C1orf232: variants seen among roughly 807,000 people sequenced by gnomAD.
C1orf232 encodes the protein chromosome 1 open reading frame 230, also known as uncharacterized protein C1orf232.
In C1orf232, 10 loss-of-function variants were observed where a neutral mutation model predicts 12.1. That is an observed-to-expected ratio of 0.82 (90% confidence interval 0.51 to 1.40). The LOEUF is 1.40. Among genes scored for constraint, C1orf232 ranks in the 40% most tolerant of loss-of-function variants. The pLI is 0.00. For synonymous variants in C1orf232, 36 were observed against 39.8 expected, an observed-to-expected ratio of 0.90 and a Z score of 0.36; for missense variants, 88 against 98.4, an observed-to-expected ratio of 0.89 and a Z score of 0.45.
chr1:26,165,122 A>G (rs548879860), intron 3 of C1orf232, among the ~76,000 whole-genome samples: 31 of 148,042 alleles, frequency 2.1e-4, no homozygotes, highest in African/African-American at 7.5e-4. Flanking sequence ...GGGGTGGGGG[A>G]AAAGAATGGA....
rs1436357179 is a variant in C1orf232, at chr1:26,164,386, G to A, written c.336C>T (p.Asp112=). 5.1e-6 allele frequency: 2 copies of A among 390,728 alleles called. No individual in the cohort carries two copies. Among genetic ancestry groups the A allele is most frequent in the African/African-American group, 2.1e-5 (1 of 48,214 alleles). The allele number at this position is 390,728 out of a possible 1,614,324, so 24.2% of individuals were successfully genotyped here. ...GCTGCTGCCACCTGCTGGCGAACGC[G>A]TCCCAGAAGCCCGGGCCGCGCGCCT... is the stretch of plus-strand genomic sequence containing the variant. ...AAEARGPGFW[D]AFASRWQQQQ... is the part of the protein sequence containing the mutation. The change falls in exon 4 of 4, where the codon GAC becomes GAT. Residue 112 remains aspartate (D), a synonymous_variant. Transcript: ENST00000634842. The surrounding 1 kb of genome is among the most constrained non-coding windows in gnomAD (Gnocchi z 4.2).
At chr1:26,166,155 C>T (rs1267793394) in intron 1 of C1orf232, 37 bp from the exon 2 acceptor site, 15 of 1,225,574 alleles carry the variant, frequency 1.2e-5, no homozygotes, top group Admixed American at 4.2e-5. Context: ...TGAGAGAGGC[C>T]GCAGAGGAGT....
At chr1:26,167,225 G>C (rs2088436306) in intron 1 of C1orf232, among the ~76,000 whole-genome samples, 1 of 152,312 alleles carries the variant, frequency 6.6e-6, no homozygotes, top group East Asian at 1.9e-4. Flanking sequence ...TGCTGTTGTT[G>C]TTTTGAGACA....
At chr1:26,166,757 T>C (rs1038809720) in intron 1 of C1orf232, among the ~76,000 whole-genome samples, 3 of 152,184 alleles carry the variant, frequency 2.0e-5, no homozygotes, top group African/African-American at 7.2e-5. Flanking sequence ...GCTCTTCACC[T>C]GTACATAGAC....
At chr1:26,165,650 A>C (rs2088417463) in intron 3 of C1orf232, 176 bp downstream of exon 3, 1 of 1,118,506 alleles carries the variant, frequency 8.9e-7, no homozygotes, top group Non-Finnish European at 1.1e-6. Flanking sequence ...GATTTACCCT[A>C]ATCTCCCAGA....
chr1:26,164,366 T>A lies in C1orf232; in HGVS notation c.356A>T (p.Gln119Leu), dbSNP rs1192879290. ...GFWDAFASRW[Q>L]QQQAAAASML... ...GGACGCCGCCGCGGCCTGCTGCTGCTGCCACCTGCTGGCGAACGCGTCCCA... is the reference window on the plus strand; with the variant it reads ...GGACGCCGCCGCGGCCTGCTGCTGCAGCCACCTGCTGGCGAACGCGTCCCA... The change falls in exon 4 of 4, where the codon CAG (glutamine) becomes CTG (leucine). Residue 119 changes from glutamine (Q) to leucine (L), a missense_variant. Transcript: ENST00000634842. The surrounding 1 kb of genome is among the most constrained non-coding windows in gnomAD (Gnocchi z 4.2). 5.1e-6 allele frequency: 2 copies of A among 393,270 alleles called. No individual in the cohort carries two copies. The highest frequency in any genetic ancestry group is 9.0e-6 in the Non-Finnish European group (2 of 222,758). The allele number at this position is 393,270 out of a possible 1,614,324, so 24.4% of individuals were successfully genotyped here.
At position 26,168,673 on chromosome 1, in the gene C1orf232, T is replaced by C; in HGVS notation, c.-174A>G. ...TGGCACAGTGCCCAGGAGGTGAACC[T>C]GATCCAAAGGAGTCGGGGAGTGGGG... On this transcript the variant is annotated 5_prime_UTR_variant, in exon 1 of 4. Coordinates refer to ENST00000634842, the MANE Select transcript of C1orf232 (RefSeq NM_001364669.2). The C allele has an allele frequency of 2.5e-6, 1 of 407,534 alleles. No individual in the cohort carries two copies. Among genetic ancestry groups the C allele is most frequent in the Non-Finnish European group, 4.2e-6 (1 of 235,922 alleles). The allele number at this position is 407,534 out of a possible 1,614,324, so 25.2% of individuals were successfully genotyped here. A position where few individuals can be genotyped will look rare whatever the true frequency, so the allele number is the denominator to read the frequency against.
chr1:26,166,054 A>G lies in C1orf232; in HGVS notation c.149T>C (p.Met50Thr). ...ACTCACCCGGCGGGCCAGCTGTGAC[A>G]TGGGATTGAAGGTCTCCTCGGTCGG... ...AEPTEETFNPMSQLARRVQGV... is the reference protein window; with the variant it reads ...AEPTEETFNPTSQLARRVQGV... Residue 50 changes from methionine (M) to threonine (T), a missense_variant, in exon 2 of 4, where the codon ATG becomes ACG. Coordinates refer to ENST00000634842, the MANE Select transcript of C1orf232 (RefSeq NM_001364669.2). The G allele has an allele frequency of 8.1e-7, 1 of 1,231,724 alleles. No homozygotes were observed. Among genetic ancestry groups the G allele is most frequent in the Non-Finnish European group, 1.0e-6 (1 of 988,026 alleles). 76.3% of individuals were successfully genotyped at this position (1,231,724 alleles called of 1,614,324 possible).
Position 26,168,667 on chromosome 1 carries a change from TG to T in C1orf232, c.-169del, listed in dbSNP as rs2088451326. 2.4e-6 allele frequency: 1 copy of T among 413,306 alleles called. No homozygotes were observed. Among genetic ancestry groups the T allele is most frequent in the Admixed American group, 4.4e-5 (1 of 22,630 alleles). The allele number at this position is 413,306 out of a possible 1,614,324, so 25.6% of individuals were successfully genotyped here. On this transcript the variant is annotated 5_prime_UTR_variant, in exon 1 of 4. An upstream open reading frame in the 5' UTR gains an earlier in-frame stop. Coordinates refer to ENST00000634842, the MANE Select transcript of C1orf232 (RefSeq NM_001364669.2). ...CCCAGCTGGCACAGTGCCCAGGAGGTGAACCTGATCCAAAGGAGTCGGGGAG... is the reference window on the plus strand; with the variant it reads ...CCCAGCTGGCACAGTGCCCAGGAGGTAACCTGATCCAAAGGAGTCGGGGAG...
intron 1 of C1orf232, among the ~76,000 whole-genome samples, chr1:26,168,212 A>C (rs1569858375): frequency 6.6e-6 from 1 of 152,046 alleles, no homozygotes; most frequent in African/African-American, 2.4e-5. Context: ...CACTCCTCCC[A>C]TGGTCCCTAA....
chr1:26,164,140 G>C lies in C1orf232; in HGVS notation c.*21C>G. Reference sequence around the variant, plus strand: ...TTTTTATCAGGGGTGGGAGCAGCGGGCGCGGGGTTCTGCCAGCCTGCTAGT... The same window carrying C: ...TTTTTATCAGGGGTGGGAGCAGCGGCCGCGGGGTTCTGCCAGCCTGCTAGT... On this transcript the variant is annotated 3_prime_UTR_variant, in exon 4 of 4. Transcript: ENST00000634842. This position sits in a 1 kb window ranked among gnomAD's most constrained non-coding sequence, Gnocchi z 4.2. The C allele has an allele frequency of 2.5e-6, 1 of 398,346 alleles. No individual in the cohort carries two copies. The allele number at this position is 398,346 out of a possible 1,614,324, so 24.7% of individuals were successfully genotyped here.
rs2088409384 is a variant in C1orf232 at position 26,164,922 on chromosome 1, T to C, written c.267-467A>G. 6.6e-6 allele frequency among the ~76,000 whole-genome samples: 1 copy of C among 150,594 alleles called. No individual in the cohort carries two copies. The highest frequency in any genetic ancestry group is 1.5e-5 in the Non-Finnish European group (1 of 67,648). On this transcript the variant is annotated intron_variant, in intron 3 of 3. Coordinates refer to ENST00000634842, the MANE Select transcript of C1orf232 (RefSeq NM_001364669.2). This position sits in a 1 kb window ranked among gnomAD's most constrained non-coding sequence, Gnocchi z 4.2. ...CACAGACAGGAATCAGGTTCTGAGATTGAGGGAAAGGGGGACTAGGAGCAC... is the reference window on the plus strand; with the variant it reads ...CACAGACAGGAATCAGGTTCTGAGACTGAGGGAAAGGGGGACTAGGAGCAC...
In C1orf232 at chr1:26,164,780, G is replaced by A. The variant is rs1206622813; in HGVS notation, c.267-325C>T. On this transcript the variant is annotated intron_variant, in intron 3 of 3. Coordinates refer to ENST00000634842, the MANE Select transcript of C1orf232 (RefSeq NM_001364669.2). The surrounding 1 kb of genome is among the most constrained non-coding windows in gnomAD (Gnocchi z 4.2). ...CAGGGTTTCAGGCGAGGCTCGAGGA[G>A]GGACGCTGGAGGCGTGCGCAGGTCT... Among the ~76,000 whole-genome samples the A allele has an allele frequency of 6.6e-6, 1 of 152,160 alleles. No individual in the cohort carries two copies. The highest frequency in any genetic ancestry group is 2.4e-5 in the African/African-American group (1 of 41,440).
In C1orf232 at chr1:26,165,934, G is replaced by C. The variant is rs2088421509; in HGVS notation, c.169-11C>G. The stretch of plus-strand genomic sequence containing the variant: ...CCCGACCCCCTGAACCTGGGAAAGG[G>C]GTTGGGAGTCAGGGAGGGGGTCCAG... On this transcript the variant is annotated splice_polypyrimidine_tract_variant and intron_variant, in intron 2 of 3. Transcript: ENST00000634842. 8.1e-7 allele frequency: 1 copy of C among 1,231,630 alleles called. No individual in the cohort carries two copies. The highest frequency in any genetic ancestry group is 1.0e-6 in the Non-Finnish European group (1 of 987,990). 76.3% of individuals were successfully genotyped at this position (1,231,630 alleles called of 1,614,324 possible).
chr1:26,167,613 C>A (rs1461779266), intron 1 of C1orf232, among the ~76,000 whole-genome samples: 1 of 152,124 alleles, frequency 6.6e-6, no homozygotes, highest in Non-Finnish European at 1.5e-5. Flanking sequence ...GCAGAAGCCA[C>A]TGCGCCTGGC....
At position 26,166,030 on chromosome 1, in the gene C1orf232, C is replaced by T. The variant is rs184331229; in HGVS notation, c.168+5G>A. 4.4e-4 allele frequency: 536 copies of T among 1,231,716 alleles called. No individual in the cohort carries two copies. Among genetic ancestry groups the T allele is most frequent in the Middle Eastern group, 1.6e-3 (5 of 3,208 alleles). The allele number at this position is 1,231,716 out of a possible 1,614,324, so 76.3% of individuals were successfully genotyped here. Reference sequence around the variant, plus strand: ...GGTTGGGGTGGAAGAAGGGAGAATACTCACCCGGCGGGCCAGCTGTGACAT... The same window carrying T: ...GGTTGGGGTGGAAGAAGGGAGAATATTCACCCGGCGGGCCAGCTGTGACAT... On this transcript the variant is annotated splice_donor_5th_base_variant and intron_variant, in intron 2 of 3. Coordinates refer to ENST00000634842, the MANE Select transcript of C1orf232 (RefSeq NM_001364669.2).
intron 1 of C1orf232, among the ~76,000 whole-genome samples, chr1:26,167,567 CA>C (rs1472542188): frequency 6.6e-6 from 1 of 152,184 alleles, no homozygotes; most frequent in African/African-American, 2.4e-5. Context: ...TCAGGTGATC[CA>C]CCCTCCGTGG....
At chr1:26,168,316 G>GC (rs1160661335) in intron 1 of C1orf232, 100 bp downstream of exon 1, 28 of 821,950 alleles carry the variant, frequency 3.4e-5, no homozygotes, top group African/African-American at 2.5e-4. Context: ...CACAAATGTG[G>GC]CCCCCCCACC....
chr1:26,166,069 T>C lies in C1orf232; in HGVS notation c.134A>G (p.Glu45Gly). The C allele has an allele frequency of 1.6e-6, 2 of 1,231,650 alleles. No individual in the cohort carries two copies. The highest frequency in any genetic ancestry group is 2.0e-6 in the Non-Finnish European group (2 of 987,984). The allele number at this position is 1,231,650 out of a possible 1,614,324, so 76.3% of individuals were successfully genotyped here. A position where few individuals can be genotyped will look rare whatever the true frequency, so the allele number is the denominator to read the frequency against. ...CAGCTGTGACATGGGATTGAAGGTC[T>C]CCTCGGTCGGTTCTGCTGTCTCAGA... is the stretch of plus-strand genomic sequence containing the variant. ...VGSETAEPTEETFNPMSQLAR... is the reference protein window; with the variant it reads ...VGSETAEPTEGTFNPMSQLAR... The change falls in exon 2 of 4, where the codon GAG becomes GGG. Residue 45 changes from glutamate (E) to glycine (G), a missense_variant. Physicochemically the swap from Glu to Gly is moderately conservative, Grantham distance 98. Transcript: ENST00000634842.
Sources: allele counts gnomAD v4.1 joint callset (sites outside exome capture counted in the v4.1 genomes callset), GRCh38; gene constraint gnomAD v4.1.1; non-coding constraint Gnocchi (gnomAD v3.1); transcripts MANE v1.5; gene names NCBI Gene and HGNC (gene_info 2026-07-23, HGNC 2026-07-21).